The following BBS9 variants were observed in gnomAD, a reference collection of about 807,000 sequenced individuals.
The protein encoded by BBS9 is Bardet-Biedl syndrome 9.
BBS9 carries 89 observed loss-of-function variants against 117.7 expected under a neutral mutation model. The observed-to-expected ratio is 0.76, with a 90% confidence interval of 0.64 to 0.90. BBS9 has a LOEUF of 0.90. BBS9 is among the 40% of genes least tolerant of loss of function. The probability of loss-of-function intolerance (pLI) is 0.00; values close to 1 mark genes in which losing one functional copy is unlikely to be tolerated. For missense variants in BBS9, 982 were observed against 1,042.2 expected, an observed-to-expected ratio of 0.94 and a Z score of 0.80; for synonymous variants, 379 against 370.9, an observed-to-expected ratio of 1.02 and a Z score of -0.25.
chr7:33,396,388 G>T (rs777105622), intron 19 of BBS9, among the ~76,000 whole-genome samples: 8 of 151,998 alleles, frequency 5.3e-5, no homozygotes, highest in African/African-American at 9.7e-5. Context: ...GAAAAAAGCA[G>T]ATTATGAAAT....
At chr7:33,496,238 G>T (rs1844688169) in intron 19 of BBS9, among the ~76,000 whole-genome samples, 2 of 152,142 alleles carry the variant, frequency 1.3e-5, no homozygotes, top group African/African-American at 2.4e-5. Context: ...AGGCGTGGTG[G>T]CTCTCGCCTG....
chr7:33,427,059 G>C (rs983891732), intron 19 of BBS9, among the ~76,000 whole-genome samples: 1 of 152,120 alleles, frequency 6.6e-6, no homozygotes, highest in East Asian at 1.9e-4. Context: ...GGTTCCCTAA[G>C]CTCAGGGTTC....
At position 33,604,881 on chromosome 7, in the gene BBS9, C is replaced by G. The variant is rs376692708; in HGVS notation, c.2538C>G (p.Ile846Met). The change falls in exon 22 of 23, where the codon ATC becomes ATG. Residue 846 changes from isoleucine to methionine, a missense_variant. By Grantham distance (10) the Ile-to-Met change is conservative. Transcript: ENST00000242067. ...TMVMPGGCTT[I>M]PESDLEERSV... The stretch of plus-strand genomic sequence containing the variant: ...TTCAACTAGGTGGTTGTACTACAAT[C>G]CCAGAGTCAGACCTAGAAGAAAGAT... 6.2e-7 allele frequency: 1 copy of G among 1,612,212 alleles called. No homozygotes were observed. Among genetic ancestry groups the G allele is most frequent in the Non-Finnish European group, 8.5e-7 (1 of 1,178,510 alleles).
At chr7:33,539,597 G>T (rs1042325328) in intron 21 of BBS9, among the ~76,000 whole-genome samples, 17 of 152,180 alleles carry the variant, frequency 1.1e-4, no homozygotes, top group African/African-American at 3.6e-4. Context: ...TACAGAAAGG[G>T]TCCTTTTAAG....
intron 21 of BBS9, among the ~76,000 whole-genome samples, chr7:33,543,315 T>TG (rs1348439551): frequency 6.6e-6 from 1 of 151,852 alleles, no homozygotes; most frequent in African/African-American, 2.4e-5. Flanking sequence ...GATTGTTTTT[T>TG]TTTTCTTAAT....
chr7:33,130,291 A>G (rs991227822), intron 1 of BBS9, among the ~76,000 whole-genome samples: 1 of 152,324 alleles, frequency 6.6e-6, no homozygotes, highest in East Asian at 1.9e-4. Context: ...GAGCATGAGC[A>G]TCCTCCTGAG....
At chr7:33,247,626 T>G (rs1301097973) in intron 5 of BBS9, among the ~76,000 whole-genome samples, 1 of 152,208 alleles carries the variant, frequency 6.6e-6, no homozygotes, top group African/African-American at 2.4e-5. Context: ...TACTTTAATA[T>G]ATCTCTGTTC....
chr7:33,587,093 A>G (rs1861035020), intron 21 of BBS9, among the ~76,000 whole-genome samples: 1 of 152,046 alleles, frequency 6.6e-6, no homozygotes, highest in African/African-American at 2.4e-5. Flanking sequence ...TCTACTGCTC[A>G]AAGTTGTGAG....
At chr7:33,385,892 G>A (rs1000424053) in intron 18 of BBS9, among the ~76,000 whole-genome samples, 40 of 151,688 alleles carry the variant, frequency 2.6e-4, no homozygotes, top group African/African-American at 8.0e-4. Context: ...TTGCTCAAGG[G>A]AATATTCTTT....
At chr7:33,451,451 T>G (rs1437771146) in intron 19 of BBS9, among the ~76,000 whole-genome samples, 1 of 152,224 alleles carries the variant, frequency 6.6e-6, no homozygotes, top group Admixed American at 6.5e-5. Context: ...TAGAAGAGAC[T>G]ATATTTTCAC....
chr7:33,426,763 G>A (rs933839384), intron 19 of BBS9, among the ~76,000 whole-genome samples: 4 of 152,072 alleles, frequency 2.6e-5, no homozygotes, highest in African/African-American at 9.7e-5. Context: ...AGAGAGGATT[G>A]GAGAACATTC....
intron 16 of BBS9, among the ~76,000 whole-genome samples, chr7:33,358,625 A>G (rs1247115558): frequency 6.6e-6 from 1 of 151,932 alleles, no homozygotes; most frequent in Non-Finnish European, 1.5e-5. Flanking sequence ...TAGAAACTAA[A>G]GAAGCTTTTT....
rs547162302 is a variant in BBS9, at chr7:33,253,341, A to T, written c.443-3895A>T. ...ATAAGAAAGATGTTTGGCCGGGCGCAGTGGCTTAATCCCTGTAATTCCAGG... is the reference window on the plus strand; with the variant it reads ...ATAAGAAAGATGTTTGGCCGGGCGCTGTGGCTTAATCCCTGTAATTCCAGG... On this transcript the variant is annotated intron_variant, in intron 5 of 22. Transcript: ENST00000242067. Among the ~76,000 whole-genome samples the T allele has an allele frequency of 1.1e-4, 16 of 152,294 alleles. No homozygotes were observed. The South Asian group carries it at 3.1e-3, about 30-fold the overall frequency.
intron 17 of BBS9, among the ~76,000 whole-genome samples, chr7:33,383,340 C>A (rs1312173997): frequency 6.6e-6 from 1 of 151,962 alleles, no homozygotes; most frequent in Non-Finnish European, 1.5e-5. Flanking sequence ...TGGCTCTTTT[C>A]TTTTTAAGTA....
intron 5 of BBS9, among the ~76,000 whole-genome samples, chr7:33,224,173 A>G (rs913722342): frequency 8.5e-5 from 13 of 152,338 alleles, no homozygotes; most frequent in Middle Eastern, 3.4e-3. Context: ...ATGAATGACT[A>G]TGCTAAATTA....
Position 33,635,054 on chromosome 7 carries a change from G to T in BBS9, c.2522-123G>T, listed in dbSNP as rs553187191. On this transcript the variant is annotated intron_variant, in intron 21 of 21. Transcript: ENST00000671952. ...TACCCAGTGTCCTTCCTTTTCCCCC[G>T]GTTCAATCCTGTGCTCAGAATTAGA... is the stretch of plus-strand genomic sequence containing the variant. Among the ~76,000 whole-genome samples the T allele has an allele frequency of 3.9e-5, 6 of 152,106 alleles. No homozygotes were observed. The South Asian group carries it at 6.2e-4, about 16-fold the overall frequency.
intron 5 of BBS9, among the ~76,000 whole-genome samples, chr7:33,245,072 G>T (rs1037621987): frequency 6.6e-6 from 1 of 152,064 alleles, no homozygotes; most frequent in Non-Finnish European, 1.5e-5. Flanking sequence ...TTTAATCTGA[G>T]TATGCTTTTG....
chr7:33,467,789 A>G (rs1840403314), intron 19 of BBS9, among the ~76,000 whole-genome samples: 1 of 152,024 alleles, frequency 6.6e-6, no homozygotes, highest in South Asian at 2.1e-4. Context: ...ATTCTAACAG[A>G]TTCTGAGTAG....
intron 17 of BBS9, among the ~76,000 whole-genome samples, chr7:33,371,490 C>T (rs1010518467): frequency 3.3e-5 from 5 of 151,982 alleles, no homozygotes; most frequent in Non-Finnish European, 5.9e-5. Context: ...AATATTAGAA[C>T]ATGTTTGAAC....
Sources: gnomAD v4.1 joint callset for allele counts (sites outside exome capture counted in the v4.1 genomes callset) on GRCh38, gnomAD v4.1.1 for gene constraint, MANE v1.5 for transcripts, NCBI Gene and HGNC (gene_info 2026-07-23, HGNC 2026-07-21) for gene names.